Variants in RGS7 observed in about 807,000 individuals in gnomAD.
RGS7 encodes the protein regulator of G protein signaling 7, also known as regulator of G-protein signaling 7.
RGS7 carries 27 observed loss-of-function variants against 81.1 expected under a neutral mutation model. The observed-to-expected ratio is 0.33, with a 90% CI of 0.25 to 0.46. The LOEUF (loss-of-function observed/expected upper bound fraction) is 0.46, where lower values mean the gene tolerates loss of function less well. RGS7 is among the 20% of genes least tolerant of loss of function. RGS7 has a pLI of 1.00. For missense variants in RGS7, 396 were observed against 607.4 expected, an observed-to-expected ratio of 0.65 and a Z score of 3.66; for synonymous variants, 208 against 207.7, an observed-to-expected ratio of 1.00 and a Z score of -0.01.
At chr1:241,136,445 TA>T in intron 2 of RGS7, among the ~76,000 whole-genome samples, 1 of 151,824 alleles carries the variant, frequency 6.6e-6, no homozygotes, top group Middle Eastern at 3.4e-3. Flanking sequence ...GTTTTGGAGA[TA>T]AGGGGGGGGA....
At chr1:241,070,322 T>TG (rs887000574) in intron 3 of RGS7, among the ~76,000 whole-genome samples, 3 of 31,586 alleles carry the variant, frequency 9.5e-5, no homozygotes, top group African/African-American at 2.3e-4. Context: ...TGAGGAGAAA[T>TG]GGAAAAAAAA....
intron 2 of RGS7, among the ~76,000 whole-genome samples, chr1:241,132,735 CTTA>C (rs1209727199): frequency 9.8e-5 from 14 of 142,636 alleles, no homozygotes; most frequent in South Asian, 6.6e-4. Context: ...AATAATTCAA[CTTA>C]TTATTTGTTT....
intron 2 of RGS7, among the ~76,000 whole-genome samples, chr1:241,175,558 A>G (rs2071070635): frequency 6.6e-6 from 1 of 152,206 alleles, no homozygotes; most frequent in Non-Finnish European, 1.5e-5. Context: ...TAGGAAGGGA[A>G]GTGGACATCT....
At chr1:241,200,926 T>A (rs534031795) in intron 2 of RGS7, among the ~76,000 whole-genome samples, 7 of 152,312 alleles carry the variant, frequency 4.6e-5, no homozygotes, top group Admixed American at 2.6e-4. Flanking sequence ...ACCCTAATTT[T>A]TCTCCCCAAC....
intron 2 of RGS7, among the ~76,000 whole-genome samples, chr1:241,111,439 G>A (rs1265986775): frequency 3.3e-5 from 5 of 152,056 alleles, no homozygotes. Context: ...GTTCTGTATG[G>A]AGCACATCCT....
At chr1:241,097,924 G>T (rs1471945005) in intron 3 of RGS7, among the ~76,000 whole-genome samples, 2 of 152,018 alleles carry the variant, frequency 1.3e-5, no homozygotes, top group Non-Finnish European at 2.9e-5. Flanking sequence ...CTTTTATTCT[G>T]CATGCCTAGT....
At chr1:241,356,758 A>C (rs1164091976) in intron 1 of RGS7, 141 bp downstream of exon 1, 1 of 149,250 alleles carries the variant, frequency 6.7e-6, no homozygotes, top group African/African-American at 2.4e-5. Context: ...CCCGTAGCCC[A>C]GCCCCGGCGC....
chr1:241,340,203 G>T (rs1276367636), intron 2 of RGS7, among the ~76,000 whole-genome samples: 6 of 152,244 alleles, frequency 3.9e-5, no homozygotes, highest in Non-Finnish European at 8.8e-5. Flanking sequence ...TGAAAAGAAT[G>T]CATAATTGCC....
At chr1:240,909,669 T>C (rs1671405746) in intron 6 of RGS7, among the ~76,000 whole-genome samples, 3 of 152,214 alleles carry the variant, frequency 2.0e-5, no homozygotes, top group Admixed American at 2.0e-4. Flanking sequence ...AGTAGGCCAA[T>C]AGATCTATAT....
chr1:241,308,742 C>CG (rs1329465868), intron 2 of RGS7, among the ~76,000 whole-genome samples: 2 of 152,064 alleles, frequency 1.3e-5, no homozygotes, highest in Non-Finnish European at 1.5e-5. Flanking sequence ...GTCTACTGTG[C>CG]GGGGGGCCCT....
intron 2 of RGS7, among the ~76,000 whole-genome samples, chr1:241,140,109 G>C (rs1420447358): frequency 6.6e-6 from 1 of 152,198 alleles, no homozygotes; most frequent in Non-Finnish European, 1.5e-5. Flanking sequence ...CTTTGTACCA[G>C]GATCCCTTGT....
At chr1:241,198,072 T>C (rs2073218069) in intron 2 of RGS7, among the ~76,000 whole-genome samples, 1 of 151,856 alleles carries the variant, frequency 6.6e-6, no homozygotes, top group Non-Finnish European at 1.5e-5. Flanking sequence ...AAGTAGAAAA[T>C]ATCATGGACT....
chr1:240,970,384 T>C (rs34124159), intron 4 of RGS7, among the ~76,000 whole-genome samples: 62,324 of 152,106 alleles, frequency 0.41, 13,285 homozygotes, highest in East Asian at 0.68. Context: ...GCAGAGCAAT[T>C]GGATAATTAT....
intron 2 of RGS7, among the ~76,000 whole-genome samples, chr1:241,146,691 CA>C (rs1326427041): frequency 1.3e-5 from 2 of 152,128 alleles, no homozygotes; most frequent in Non-Finnish European, 2.9e-5. Flanking sequence ...TTTTCCTCTC[CA>C]AAATATGCTT....
At chr1:240,831,702 C>G (rs1194652545) in intron 9 of RGS7, among the ~76,000 whole-genome samples, 2 of 148,802 alleles carry the variant, frequency 1.3e-5, no homozygotes, top group Non-Finnish European at 3.0e-5. Flanking sequence ...ATGGCGCAAT[C>G]TCGGCTCACT....
intron 4 of RGS7, among the ~76,000 whole-genome samples, chr1:240,952,903 T>C (rs1679800490): frequency 1.3e-5 from 2 of 151,888 alleles, no homozygotes; most frequent in South Asian, 4.1e-4. Flanking sequence ...ACAGAAGCAA[T>C]ATTAAGTTTA....
chr1:240,822,939 A>C, intron 10 of RGS7: 2 of 458,982 alleles, frequency 4.4e-6, no homozygotes, highest in Non-Finnish European at 8.1e-6. Context: ...ACTAGAAAAC[A>C]GTGAACGAAT....
At chr1:240,945,947 C>A (rs1035414549) in intron 4 of RGS7, among the ~76,000 whole-genome samples, 1 of 152,076 alleles carries the variant, frequency 6.6e-6, no homozygotes, top group Non-Finnish European at 1.5e-5. Context: ...ATCTAATACA[C>A]AAGCTTTCCA....
chr1:241,222,376 G>A (rs2075064999), intron 2 of RGS7, among the ~76,000 whole-genome samples: 1 of 152,172 alleles, frequency 6.6e-6, no homozygotes, highest in Non-Finnish European at 1.5e-5. Context: ...GTATAGCCCA[G>A]GCACTGGAAT....
Sources: gnomAD v4.1 joint callset for allele counts (sites outside exome capture counted in the v4.1 genomes callset) on GRCh38, gnomAD v4.1.1 for gene constraint, MANE v1.5 for transcripts, NCBI Gene and HGNC (gene_info 2026-07-23, HGNC 2026-07-21) for gene names.